CHD7: variants seen among roughly 807,000 people sequenced by gnomAD.
CHD7 encodes chromodomain helicase DNA binding protein 7, also known as ATP-dependent chromatin remodeler CHD7.
A neutral mutation model predicts 307.3 loss-of-function variants in CHD7; 24 were observed. The ratio of observed to expected loss-of-function variants is 0.08; its 90% CI spans 0.06 to 0.11. The LOEUF (loss-of-function observed/expected upper bound fraction) is 0.11. CHD7 is among the 10% of genes least tolerant of loss of function. The pLI is 1.00. For missense variants in CHD7, 3,106 were observed against 3,727.1 expected (o/e 0.83, Z 4.34); for synonymous variants, 1,363 against 1,349.9 (o/e 1.01, Z -0.21).
intron 37 of CHD7, 91 bp from the exon 38 acceptor site, chr8:60,864,925 T>C (rs1648954433): frequency 4.0e-6 from 5 of 1,263,184 alleles, no homozygotes; most frequent in Non-Finnish European, 4.4e-6. Context: ...TATTTCCATT[T>C]GGAATGGCAG....
At chr8:60,711,206 A>G (rs1335266467) in intron 1 of CHD7, among the ~76,000 whole-genome samples, 1 of 152,190 alleles carries the variant, frequency 6.6e-6, no homozygotes, top group African/African-American at 2.4e-5. Flanking sequence ...TTTATTTTGT[A>G]CTTAAGGACT....
intron 4 of CHD7, among the ~76,000 whole-genome samples, chr8:60,796,752 G>T (rs1195162482): frequency 2.0e-5 from 3 of 152,024 alleles, no homozygotes; most frequent in African/African-American, 7.3e-5. Flanking sequence ...AACCACACAA[G>T]ATCTGACTTT....
Position 60,821,850 on chromosome 8 carries a change from C to T in CHD7, c.2758C>T (p.Arg920Trp), listed in dbSNP as rs773773546. The T allele has an allele frequency of 1.4e-4, 231 of 1,595,310 alleles. No individual in the cohort carries two copies. Among genetic ancestry groups the T allele is most frequent in the Non-Finnish European group, 1.8e-4 (216 of 1,170,396 alleles). The change falls in exon 10 of 38, where the codon CGG (arginine) becomes TGG (tryptophan). Residue 920 changes from arginine to tryptophan, a missense_variant. Arg to Trp is a moderately radical substitution (Grantham distance 101). Transcript: ENST00000423902. ...SLPYEDSTWE[R>W]RQDIDQAKIE... ...TCCTTATGAAGACAGCACGTGGGAGCGGAGGCAGGACATAGATCAAGCAAA... is the reference window on the plus strand; with the variant it reads ...TCCTTATGAAGACAGCACGTGGGAGTGGAGGCAGGACATAGATCAAGCAAA...
intron 19 of CHD7, among the ~76,000 whole-genome samples, chr8:60,840,060 T>G (rs1804902741): frequency 6.6e-6 from 1 of 152,230 alleles, no homozygotes; most frequent in African/African-American, 2.4e-5. Context: ...TTCATTCAGT[T>G]AGCATAATGT....
intron 4 of CHD7, 129 bp downstream of exon 4, chr8:60,795,256 G>A (rs1811966415): frequency 1.1e-6 from 1 of 871,048 alleles, no homozygotes; most frequent in Non-Finnish European, 1.7e-6. Context: ...TTGTAGTCTG[G>A]AACATTATCT....
In CHD7 at chr8:60,866,306, TTTAA is replaced by T. The variant is rs1806241541; in HGVS notation, c.*376_*379del. 3 of 154,410 alleles carry T rather than the reference TTTAA, an allele frequency of 1.9e-5. No individual in the cohort carries two copies. The Admixed American group carries it at 2.0e-4, about 10-fold the overall frequency. 9.6% of individuals were successfully genotyped at this position (154,410 alleles called of 1,614,324 possible). A position where few individuals can be genotyped will look rare whatever the true frequency, so the allele number is the denominator to read the frequency against. On this transcript the variant is annotated 3_prime_UTR_variant, in exon 38 of 38. Transcript: ENST00000423902. ...CTCAAAGGAAGTATGAAGTTATATA[TTTAA>T]TTTTTTAATTTTAATTTTTAATTTT...
chr8:60,821,003 G>A (rs1804006295), intron 9 of CHD7, among the ~76,000 whole-genome samples: 1 of 152,132 alleles, frequency 6.6e-6, no homozygotes, highest in African/African-American at 2.4e-5. Context: ...AAAGACAAAG[G>A]AAATCCTGTT....
intron 14 of CHD7, 97 bp from the exon 15 acceptor site, chr8:60,830,225 G>T: frequency 7.9e-7 from 1 of 1,270,618 alleles, no homozygotes; most frequent in African/African-American, 1.5e-5. Flanking sequence ...GAAAATGGAT[G>T]TTTAATGAAT....
At chr8:60,855,707 C>A (rs1805668159) in intron 32 of CHD7, among the ~76,000 whole-genome samples, 1 of 152,212 alleles carries the variant, frequency 6.6e-6, no homozygotes, top group Admixed American at 6.5e-5. Flanking sequence ...GTACATTTTT[C>A]TGTTTTATGT....
intron 2 of CHD7, among the ~76,000 whole-genome samples, chr8:60,778,802 T>C (rs1183471085): frequency 6.6e-6 from 1 of 152,228 alleles, no homozygotes; most frequent in Non-Finnish European, 1.5e-5. Context: ...ATGTACAAAC[T>C]AACTCAACTT....
intron 15 of CHD7, among the ~76,000 whole-genome samples, chr8:60,830,948 C>G (rs1804486170): frequency 6.6e-6 from 1 of 152,120 alleles, no homozygotes; most frequent in African/African-American, 2.4e-5. Context: ...TAAAGAGGAA[C>G]TTAGGTGTGA....
intron 1 of CHD7, among the ~76,000 whole-genome samples, chr8:60,683,647 A>C (rs561830218): frequency 6.6e-6 from 1 of 152,244 alleles, no homozygotes; most frequent in Admixed American, 6.5e-5. Flanking sequence ...ACTAAAGTCC[A>C]GAGAGATTAA....
At chr8:60,731,640 A>G (rs1308367523) in intron 1 of CHD7, among the ~76,000 whole-genome samples, 2 of 152,194 alleles carry the variant, frequency 1.3e-5, no homozygotes, top group Non-Finnish European at 2.9e-5. Context: ...CCTTAATTCC[A>G]TCTCCTTTGT....
chr8:60,781,544 CATT>C (rs1811233074), intron 3 of CHD7, 114 bp downstream of exon 3: 22 of 1,357,454 alleles, frequency 1.6e-5, no homozygotes, highest in African/African-American at 4.4e-5. Context: ...TTTTTGTCAT[CATT>C]GAGTTTCTTT....
chr8:60,801,440 G>A, intron 5 of CHD7, 88 bp from the exon 6 acceptor site: 1 of 919,082 alleles, frequency 1.1e-6, no homozygotes, highest in South Asian at 1.4e-5. Context: ...AGGTGTGGAG[G>A]TGGTAGCAAA....
At chr8:60,680,623 A>G (rs1805574140) in intron 1 of CHD7, among the ~76,000 whole-genome samples, 1 of 152,112 alleles carries the variant, frequency 6.6e-6, no homozygotes, top group South Asian at 2.1e-4. Flanking sequence ...AGCGGCGCGG[A>G]GAGTGCTCCT....
intron 1 of CHD7, among the ~76,000 whole-genome samples, chr8:60,695,647 C>T (rs1205936380): frequency 1.3e-5 from 2 of 152,128 alleles, no homozygotes; most frequent in Non-Finnish European, 2.9e-5. Context: ...GAGAATACAA[C>T]AGAGAAGCAA....
At chr8:60,747,228 A>T (rs1586259736) in intron 2 of CHD7, among the ~76,000 whole-genome samples, 1 of 149,384 alleles carries the variant, frequency 6.7e-6, no homozygotes, top group Admixed American at 6.7e-5. Context: ...GGCACCCGCC[A>T]CCACGCCCAG....
At chr8:60,785,585 A>G (rs147389259) in intron 3 of CHD7, among the ~76,000 whole-genome samples, 1 of 152,214 alleles carries the variant, frequency 6.6e-6, no homozygotes, top group Non-Finnish European at 1.5e-5. Context: ...CAGAGTAGCA[A>G]CGTTTACCTG....
Sources: gnomAD v4.1 joint callset for allele counts (sites outside exome capture counted in the v4.1 genomes callset) on GRCh38, gnomAD v4.1.1 for gene constraint, MANE v1.5 for transcripts, NCBI Gene and HGNC (gene_info 2026-07-23, HGNC 2026-07-21) for gene names.